The following ACACA variants were observed in gnomAD, a reference collection of about 807,000 sequenced individuals.
ACACA encodes the protein acetyl-CoA carboxylase alpha.
ACACA carries 103 observed loss-of-function variants against 296.1 expected under a neutral mutation model. The observed-to-expected ratio is 0.35, with a 90% CI of 0.30 to 0.41. ACACA has a LOEUF of 0.41. ACACA is among the 10% of genes least tolerant of loss of function. ACACA has a pLI of 1.00. For missense variants in ACACA, 1,554 were observed against 2,989.7 expected (o/e 0.52, Z 11.20); for synonymous variants, 953 against 1,038.6 (o/e 0.92, Z 1.58).
chr17:37,337,773 C>A (rs967326455), intron 2 of ACACA, among the ~76,000 whole-genome samples: 1 of 151,726 alleles, frequency 6.6e-6, no homozygotes, highest in African/African-American at 2.4e-5. Flanking sequence ...TGAAAGTGAA[C>A]TGGAGATTAC....
At chr17:37,299,915 A>C in intron 3 of ACACA, 2 of 537,832 alleles carry the variant, frequency 3.7e-6, no homozygotes, top group Non-Finnish European at 4.8e-6. Flanking sequence ...AAAACAAATA[A>C]TACCAATTAT....
rs562245823 is a variant in ACACA at position 37,388,623 on chromosome 17, C to T, written c.38+17639G>A. 194 of 1,580,912 alleles carry T rather than the reference C, an allele frequency of 1.2e-4. No homozygotes were observed. In the South Asian group the frequency reaches 2.0e-3, roughly 16 times the overall value. On this transcript the variant is annotated intron_variant, in intron 1 of 55. Coordinates refer to ENST00000616317, the MANE Select transcript of ACACA (RefSeq NM_198834.3). ...AGGTCAAAGGATCAATCTCTTTCCT[C>T]TCTCAAATTTTCTTTTCTCCCTCTT...
chr17:37,308,041 G>GC (rs2083963376), intron 3 of ACACA, among the ~76,000 whole-genome samples: 1 of 152,020 alleles, frequency 6.6e-6, no homozygotes, highest in South Asian at 2.1e-4. Context: ...TACATTCATT[G>GC]CAAGTGTTTA....
intron 45 of ACACA, among the ~76,000 whole-genome samples, chr17:37,138,089 A>G (rs955756599): frequency 6.6e-6 from 1 of 152,246 alleles, no homozygotes; most frequent in African/African-American, 2.4e-5. Flanking sequence ...AAAATCAGCC[A>G]GAAAATCTTG....
intron 27 of ACACA, 47 bp from the exon 28 acceptor site, chr17:37,223,648 A>G: frequency 7.5e-7 from 1 of 1,332,870 alleles, no homozygotes; most frequent in Non-Finnish European, 1.1e-6. Flanking sequence ...AAAGGAGAAC[A>G]ATTTCAATGG....
chr17:37,305,568 C>T (rs1388911049), intron 3 of ACACA, among the ~76,000 whole-genome samples: 2 of 152,196 alleles, frequency 1.3e-5, no homozygotes, highest in African/African-American at 2.4e-5. Flanking sequence ...TGTTACTTTC[C>T]GTTGGGCCTT....
At chr17:37,199,611 G>C (rs1199372338) in intron 35 of ACACA, among the ~76,000 whole-genome samples, 1 of 152,008 alleles carries the variant, frequency 6.6e-6, no homozygotes, top group Non-Finnish European at 1.5e-5. Flanking sequence ...CTCTATCAAG[G>C]CATTTTAAAT....
In ACACA at chr17:37,086,192, C is replaced by G. The variant is rs1394846751; in HGVS notation, c.*1124G>C. 5.9e-6 allele frequency: 1 copy of G among 169,274 alleles called. No homozygotes were observed. The highest frequency in any genetic ancestry group is 6.3e-5 in the Admixed American group (1 of 15,762). 10.5% of individuals were successfully genotyped at this position (169,274 alleles called of 1,614,324 possible). Reference sequence around the variant, plus strand: ...CTGGTGCTGAGGGTGTAGCTGTCACCAGGGTCCTTTCAGAGCTGTGGGGAG... The same window carrying G: ...CTGGTGCTGAGGGTGTAGCTGTCACGAGGGTCCTTTCAGAGCTGTGGGGAG... On this transcript the variant is annotated 3_prime_UTR_variant, in exon 56 of 56. Coordinates refer to ENST00000616317, the MANE Select transcript of ACACA (RefSeq NM_198834.3).
In ACACA at chr17:37,270,853, C is replaced by T. The variant is rs752047257; in HGVS notation, c.1017G>A (p.Glu339=). 4.7e-5 allele frequency: 76 copies of T among 1,612,832 alleles called. No homozygotes were observed. The highest frequency in any genetic ancestry group is 6.7e-5 in the African/African-American group (5 of 74,802). The change falls in exon 10 of 56, where the codon GAG becomes GAA. Residue 339 remains glutamate, a synonymous_variant. Transcript: ENST00000616317. ...TGATCATTACTGGATATCCAACTTC[C>T]TCAGCTGCCTTCAAAAAGAAAGAAA... ...KDVDDGLQAA[E]EVGYPVMIKA...
At chr17:37,276,570 A>G (rs1189960045) in intron 7 of ACACA, among the ~76,000 whole-genome samples, 1 of 152,256 alleles carries the variant, frequency 6.6e-6, no homozygotes, top group Non-Finnish European at 1.5e-5. Flanking sequence ...TCTCTCTGGT[A>G]TAATGACAGC....
At chr17:37,377,711 A>C (rs1172137443) in intron 1 of ACACA, among the ~76,000 whole-genome samples, 1 of 151,254 alleles carries the variant, frequency 6.6e-6, no homozygotes, top group Non-Finnish European at 1.5e-5. Flanking sequence ...ATAAAAGTAA[A>C]GTCTTTTTAG....
intron 11 of ACACA, among the ~76,000 whole-genome samples, chr17:37,260,879 TG>T (rs955334748): frequency 8.5e-5 from 13 of 152,064 alleles, no homozygotes; most frequent in Admixed American, 8.5e-4. Flanking sequence ...CTTCTATTTT[TG>T]GGGGGGTCCG....
chr17:37,389,150 A>G, intron 1 of ACACA: 1 of 1,417,362 alleles, frequency 7.1e-7, no homozygotes, highest in Non-Finnish European at 9.5e-7. Context: ...TATTTAGAAG[A>G]GATGGCTTCC....
intron 3 of ACACA, among the ~76,000 whole-genome samples, chr17:37,313,025 T>C (rs2084238375): frequency 6.6e-6 from 1 of 152,188 alleles, no homozygotes; most frequent in African/African-American, 2.4e-5. Context: ...GATGAACTCC[T>C]AGACATTTTC....
intron 30 of ACACA, among the ~76,000 whole-genome samples, chr17:37,210,088 CTG>C (rs1034676562): frequency 1.1e-4 from 16 of 152,202 alleles, no homozygotes; most frequent in Admixed American, 9.2e-4. Flanking sequence ...ATTGTAAAAA[CTG>C]TGAATAATTT....
chr17:37,120,992 T>A (rs983746629), intron 50 of ACACA, among the ~76,000 whole-genome samples: 17 of 152,182 alleles, frequency 1.1e-4, no homozygotes, highest in African/African-American at 4.1e-4. Context: ...TCTGTCTTGG[T>A]CACTGTAGAA....
chr17:37,312,564 GGTT>G (rs751628856), intron 3 of ACACA, among the ~76,000 whole-genome samples: 10 of 152,160 alleles, frequency 6.6e-5, no homozygotes, highest in Non-Finnish European at 1.5e-4. Flanking sequence ...TAAAAGTTGG[GGTT>G]GTTATCTTGG....
chr17:37,271,767 C>T (rs1375488210), intron 9 of ACACA, among the ~76,000 whole-genome samples: 1 of 150,960 alleles, frequency 6.6e-6, no homozygotes, highest in Non-Finnish European at 1.5e-5. Flanking sequence ...GTCAGGAGTT[C>T]GAGACCAGCC....
At chr17:37,379,332 A>G in intron 1 of ACACA, 1 of 1,613,984 alleles carries the variant, frequency 6.2e-7, no homozygotes, top group African/African-American at 1.3e-5. Flanking sequence ...TCAAGCTGTC[A>G]CCTAATCCCC....
Sources: allele counts gnomAD v4.1 joint callset (sites outside exome capture counted in the v4.1 genomes callset), GRCh38; gene constraint gnomAD v4.1.1; transcripts MANE v1.5; gene names NCBI Gene and HGNC (gene_info 2026-07-23, HGNC 2026-07-21).